AMMECR1: variants seen among roughly 807,000 people sequenced by gnomAD.
AMMECR1 encodes the protein nuclear protein AMMECR1.
Under a neutral mutation model 22.5 loss-of-function variants are expected in AMMECR1, and 3 were observed. The observed-to-expected ratio is 0.13, with a 90% CI of 0.06 to 0.35. AMMECR1 has a LOEUF of 0.35. AMMECR1 is among the 10% of genes least tolerant of loss of function. AMMECR1 has a pLI of 1.00. For missense variants in AMMECR1, 235 were observed against 278.7 expected, an observed-to-expected ratio of 0.84 and a Z score of 1.12; for synonymous variants, 130 against 116.7, an observed-to-expected ratio of 1.11 and a Z score of -0.74.
intron 2 of AMMECR1, among the ~76,000 whole-genome samples, chrX:110,416,891 T>C (rs972058586): frequency 8.9e-5 from 10 of 111,862 alleles, no homozygotes; most frequent in African/African-American, 3.2e-4. Flanking sequence ...TGAACCTCTC[T>C]GAATGTCTGT....
At chrX:110,306,549 C>T (rs2067996461) in intron 1 of AMMECR1, among the ~76,000 whole-genome samples, 1 of 110,056 alleles carries the variant, frequency 9.1e-6, no homozygotes, top group Admixed American at 9.6e-5. Context: ...ACCTTTGACT[C>T]CTGGGTTCAA....
At chrX:110,333,085 T>C (rs2068126954) in intron 2 of AMMECR1, among the ~76,000 whole-genome samples, 1 of 111,390 alleles carries the variant, frequency 9.0e-6, no homozygotes, top group African/African-American at 3.3e-5. Flanking sequence ...GACAAACATA[T>C]CAACAATGTT....
chrX:110,257,341 T>C (rs1182409576), intron 2 of AMMECR1, among the ~76,000 whole-genome samples: 4 of 111,968 alleles, frequency 3.6e-5, no homozygotes, highest in Non-Finnish European at 7.5e-5. Context: ...TAACTTTTAA[T>C]TTTCTTCATT....
upstream of AMMECR1, among the ~76,000 whole-genome samples, chrX:110,319,496 C>T (rs1487448443): frequency 8.9e-6 from 1 of 112,021 alleles, no homozygotes; most frequent in Non-Finnish European, 1.9e-5. Context: ...CTGTTGAAAT[C>T]CAGGGCGTAC....
chrX:110,371,060 G>A (rs1480794656), intron 2 of AMMECR1, among the ~76,000 whole-genome samples: 2 of 110,689 alleles, frequency 1.8e-5, no homozygotes, highest in African/African-American at 6.6e-5. Flanking sequence ...ATGCCTTTGT[G>A]GAATATTCTC....
At chrX:110,287,007 G>A (rs1266013322) in intron 1 of AMMECR1, among the ~76,000 whole-genome samples, 1 of 111,766 alleles carries the variant, frequency 8.9e-6, no homozygotes, top group Non-Finnish European at 1.9e-5. Flanking sequence ...AAGAGATAAT[G>A]GTCTTACTGC....
intron 2 of AMMECR1, among the ~76,000 whole-genome samples, chrX:110,373,346 C>T (rs1477464014): frequency 9.0e-6 from 1 of 111,711 alleles, no homozygotes; most frequent in African/African-American, 3.3e-5. Flanking sequence ...AACCAAAATT[C>T]ACAGTACCCA....
intron 1 of AMMECR1, among the ~76,000 whole-genome samples, chrX:110,265,454 T>C (rs1049877944): frequency 8.9e-6 from 1 of 112,050 alleles, no homozygotes; most frequent in Non-Finnish European, 1.9e-5. Flanking sequence ...GTATCAATTA[T>C]AACAAAATAT....
intron 2 of AMMECR1, among the ~76,000 whole-genome samples, chrX:110,249,020 A>T (rs2067673298): frequency 8.9e-6 from 1 of 111,971 alleles, no homozygotes; most frequent in Non-Finnish European, 1.9e-5. Flanking sequence ...TTCTGATGGG[A>T]CTATGGAAGT....
chrX:110,271,345 C>T (rs1032257441), intron 1 of AMMECR1, among the ~76,000 whole-genome samples: 1 of 112,449 alleles, frequency 8.9e-6, no homozygotes, highest in African/African-American at 3.2e-5. Context: ...TTCCCTTTCT[C>T]CCATTTATAT....
At chrX:110,228,863 A>C (rs767753782) in intron 2 of AMMECR1, among the ~76,000 whole-genome samples, 9 of 112,086 alleles carry the variant, frequency 8.0e-5, no homozygotes, top group African/African-American at 2.9e-4. Flanking sequence ...ATTTCTACTT[A>C]GCTGCTGAGC....
intron 2 of AMMECR1, among the ~76,000 whole-genome samples, chrX:110,396,898 G>A (rs1006125333): frequency 3.6e-5 from 4 of 112,013 alleles, no homozygotes; most frequent in Non-Finnish European, 7.5e-5. Context: ...GGATCAGTTG[G>A]ACTCCTATGT....
intron 1 of AMMECR1, among the ~76,000 whole-genome samples, chrX:110,314,339 C>G (rs151032548): frequency 1.8e-5 from 2 of 111,597 alleles, no homozygotes; most frequent in African/African-American, 6.5e-5. Context: ...ACTACCCTAG[C>G]CCAAATTATC....
At chrX:110,316,282 T>C (rs973345403) in intron 1 of AMMECR1, among the ~76,000 whole-genome samples, 1 of 112,213 alleles carries the variant, frequency 8.9e-6, no homozygotes, top group African/African-American at 3.2e-5. Context: ...GAAATGTTTA[T>C]ACTTATACAA....
Position 110,196,983 on chromosome X carries a change from A to AATTATATAT in AMMECR1, c.*1528_*1536dup, listed in dbSNP as rs1159436991. 8.9e-6 allele frequency: 1 copy of AATTATATAT among 112,101 alleles called. No individual in the cohort carries two copies. The highest frequency in any genetic ancestry group is 2.8e-4 in the East Asian group (1 of 3,596). The allele number at this position is 112,101 out of a possible 1,213,427, so 9.2% of individuals were successfully genotyped here. On this transcript the variant is annotated 3_prime_UTR_variant, in exon 6 of 6. Transcript: ENST00000262844. ...GATATGTTGGCTTCCTATTTGAAAA[A>AATTATATAT]ATTATATATATTTTTCCAAAGACAC...
intron 2 of AMMECR1, among the ~76,000 whole-genome samples, chrX:110,260,734 C>T (rs2067736545): frequency 9.0e-6 from 1 of 111,321 alleles, no homozygotes; most frequent in Non-Finnish European, 1.9e-5. Flanking sequence ...ATATTTTGTG[C>T]ACCTATGTTC....
Position 110,317,739 on chromosome X carries a change from C to A in AMMECR1, c.333G>T (p.Ser111=). The A allele has an allele frequency of 8.4e-7, 1 of 1,194,949 alleles. No homozygotes were observed. Among genetic ancestry groups the A allele is most frequent in the Non-Finnish European group, 1.1e-6 (1 of 886,522 alleles). The change falls in exon 1 of 6, where the codon TCG becomes TCT. Residue 111 remains serine (S), a synonymous_variant. Transcript: ENST00000262844. The part of the protein sequence containing the change: ...AAATSSSPSS[S]SAASSSSPGS... The stretch of plus-strand genomic sequence containing the variant: ...CCGGCGATGAGGACGAGGCGGCGGA[C>A]GATGAGGAGGGTGAGGAAGAGGTGG...
chrX:110,321,109 C>A (rs2068077306), upstream of AMMECR1, among the ~76,000 whole-genome samples: 1 of 111,954 alleles, frequency 8.9e-6, no homozygotes, highest in African/African-American at 3.2e-5. Flanking sequence ...TAAACTAAAT[C>A]CACAGAACAA....
rs201104400 is a variant in AMMECR1, at chrX:110,342,907, AG to A, written c.-147-25059del. ...GAAGGATTCACAGCTGAATTCTACCAGGGGTACAAGGAGGAGCTGGTACCAT... is the reference window on the plus strand; with the variant it reads ...GAAGGATTCACAGCTGAATTCTACCAGGGTACAAGGAGGAGCTGGTACCAT... On this transcript the variant is annotated intron_variant, in intron 2 of 7. Transcript: ENST00000372057. Among the ~76,000 whole-genome samples the A allele has an allele frequency of 9.3e-3, 1,045 of 111,886 alleles. 15 individuals are homozygous for A. The highest frequency in any genetic ancestry group is 0.031 in the African/African-American group (967 of 30,735).
Sources: gnomAD v4.1 joint callset for allele counts (sites outside exome capture counted in the v4.1 genomes callset) on GRCh38, gnomAD v4.1.1 for gene constraint, MANE v1.5 for transcripts, NCBI Gene and HGNC (gene_info 2026-07-23, HGNC 2026-07-21) for gene names.